Variants in PIP4K2A observed in about 807,000 individuals in gnomAD.
PIP4K2A encodes phosphatidylinositol 5-phosphate 4-kinase type-2 alpha.
PIP4K2A carries 14 observed loss-of-function variants against 42.9 expected under a neutral mutation model. The ratio of observed to expected loss-of-function variants is 0.33; its 90% CI spans 0.22 to 0.51. PIP4K2A has a LOEUF of 0.51. PIP4K2A is among the 20% of genes least tolerant of loss of function. The pLI, the probability that PIP4K2A is intolerant of heterozygous loss-of-function variation, is 0.97. For missense variants in PIP4K2A, 434 were observed against 519.8 expected, an observed-to-expected ratio of 0.83 and a Z score of 1.61; for synonymous variants, 192 against 192.2, an observed-to-expected ratio of 1.00 and a Z score of 0.01.
At chr10:22,580,670 T>A (rs1837252608) in intron 4 of PIP4K2A, among the ~76,000 whole-genome samples, 1 of 152,342 alleles carries the variant, frequency 6.6e-6, no homozygotes, top group East Asian at 1.9e-4. Flanking sequence ...TGAGGAACCT[T>A]TGCCTCCTCT....
intron 1 of PIP4K2A, among the ~76,000 whole-genome samples, chr10:22,678,479 A>G (rs1839603616): frequency 6.6e-6 from 1 of 152,146 alleles, no homozygotes; most frequent in African/African-American, 2.4e-5. Flanking sequence ...TTCTATGGGG[A>G]AAAGTCTGTT....
At chr10:22,673,082 G>A (rs766925729) in intron 1 of PIP4K2A, among the ~76,000 whole-genome samples, 131 of 152,244 alleles carry the variant, frequency 8.6e-4, no homozygotes, top group Admixed American at 2.0e-3. Flanking sequence ...TATCTGCCTT[G>A]CTATTTGATA....
intron 4 of PIP4K2A, among the ~76,000 whole-genome samples, chr10:22,585,139 T>C (rs1380434540): frequency 6.6e-6 from 1 of 152,186 alleles, no homozygotes; most frequent in Admixed American, 6.5e-5. Flanking sequence ...GTATTTAGCT[T>C]TTATGGTCCC....
At chr10:22,677,968 A>G (rs1564464743) in intron 1 of PIP4K2A, among the ~76,000 whole-genome samples, 2 of 152,182 alleles carry the variant, frequency 1.3e-5, no homozygotes, top group African/African-American at 2.4e-5. Context: ...TAAAAATACG[A>G]AAACACTCAT....
chr10:22,543,733 C>T (rs7898308), intron 7 of PIP4K2A, among the ~76,000 whole-genome samples: 78,537 of 152,056 alleles, frequency 0.52, 21,318 homozygotes, highest in South Asian at 0.74. Flanking sequence ...TTTGTGGGGG[C>T]GGCTGCGGGG....
At chr10:22,644,032 T>C (rs1308361859) in intron 1 of PIP4K2A, among the ~76,000 whole-genome samples, 1 of 152,138 alleles carries the variant, frequency 6.6e-6, no homozygotes, top group Non-Finnish European at 1.5e-5. Flanking sequence ...AAACTCCTGC[T>C]AATCACCATC....
At chr10:22,550,509 T>G in intron 7 of PIP4K2A, 150 bp downstream of exon 7, 57 of 654,400 alleles carry the variant, frequency 8.7e-5, no homozygotes, top group Middle Eastern at 8.1e-4. Context: ...TCATGTAACA[T>G]GAGACACCTT....
At position 22,536,725 on chromosome 10, in the gene PIP4K2A, A is replaced by AAAAAAAAAAAAAAAAAAAACAAAAC. The variant is rs1554791611; in HGVS notation, c.*475_*476insGTTTTGTTTTTTTTTTTTTTTTTTT. The stretch of plus-strand genomic sequence containing the variant: ...ACATCTTTCAACTCCAAAAAAAAAA[A>AAAAAAAAAAAAAAAAAAAACAAAAC]AAAAAAAAAAAAACTGATCCACAGT... On this transcript the variant is annotated 3_prime_UTR_variant, in exon 10 of 10. Transcript: ENST00000376573. 2.4e-5 allele frequency: 3 copies of AAAAAAAAAAAAAAAAAAAACAAAAC among 124,206 alleles called. No individual in the cohort carries two copies. The highest frequency in any genetic ancestry group is 3.0e-4 in the East Asian group (1 of 3,372). The allele number at this position is 124,206 out of a possible 1,614,324, so 7.7% of individuals were successfully genotyped here.
chr10:22,574,385 A>C (rs1215802087), intron 4 of PIP4K2A, among the ~76,000 whole-genome samples: 1 of 151,472 alleles, frequency 6.6e-6, no homozygotes, highest in Non-Finnish European at 1.5e-5. Context: ...GATGCTAATG[A>C]TGCAATTGGA....
intron 1 of PIP4K2A, among the ~76,000 whole-genome samples, chr10:22,636,095 A>G (rs79718088): frequency 3.7e-3 from 568 of 152,274 alleles, no homozygotes; most frequent in Non-Finnish European, 6.2e-3. Context: ...AGAGAGAAAA[A>G]AATTGTGAAA....
rs1402527370 is a variant in PIP4K2A at position 22,604,425 on chromosome 10, T to C, written c.339+3502A>G. Among the ~76,000 whole-genome samples the C allele has an allele frequency of 2.0e-5, 3 of 151,906 alleles. No individual in the cohort carries two copies. In the East Asian group the frequency reaches 5.8e-4, roughly 29 times the overall value. On this transcript the variant is annotated intron_variant, in intron 3 of 9. Transcript: ENST00000376573. The stretch of plus-strand genomic sequence containing the variant: ...GGGACCATTTACCCACTTGGCTGAA[T>C]GGAAAGGTCTGAATACGAGATAAAC...
intron 1 of PIP4K2A, among the ~76,000 whole-genome samples, chr10:22,705,047 A>G (rs1268441863): frequency 6.6e-6 from 1 of 151,900 alleles, no homozygotes; most frequent in Non-Finnish European, 1.5e-5. Flanking sequence ...GACGGCTTCT[A>G]TTTGTTCAAT....
chr10:22,587,373 C>T (rs749005499), intron 4 of PIP4K2A, among the ~76,000 whole-genome samples: 11 of 152,080 alleles, frequency 7.2e-5, no homozygotes, highest in South Asian at 2.1e-4. Flanking sequence ...TGTCTAGATT[C>T]GGAAGGTTCA....
At chr10:22,684,856 T>C (rs1312818846) in intron 1 of PIP4K2A, among the ~76,000 whole-genome samples, 2 of 152,214 alleles carry the variant, frequency 1.3e-5, no homozygotes, top group African/African-American at 2.4e-5. Context: ...TGGGTCCTTA[T>C]AGCACTGCTT....
intron 9 of PIP4K2A, among the ~76,000 whole-genome samples, chr10:22,539,220 C>A (rs368942703): frequency 1.3e-5 from 2 of 152,210 alleles, no homozygotes; most frequent in South Asian, 2.1e-4. Context: ...GGAGGAATCT[C>A]ATCTCTGCCA....
At chr10:22,592,347 G>C (rs1837530353) in intron 3 of PIP4K2A, among the ~76,000 whole-genome samples, 1 of 152,176 alleles carries the variant, frequency 6.6e-6, no homozygotes, top group Admixed American at 6.5e-5. Flanking sequence ...ACTCCAGTGT[G>C]GCTGGCTCAG....
At chr10:22,627,588 TAATAAAAAAAAAAAAAAAAA>T (rs1416570560) in intron 1 of PIP4K2A, among the ~76,000 whole-genome samples, 9 of 38,956 alleles carry the variant, frequency 2.3e-4, no homozygotes, top group African/African-American at 3.6e-4. Flanking sequence ...AGCTAATATG[TAATAAAAAAAAAAAAAAAAA>T]AAAAAAAAAA....
intron 1 of PIP4K2A, among the ~76,000 whole-genome samples, chr10:22,674,415 CAAAAAAAAAAAAAAA>C (rs1002492534): frequency 1.6e-5 from 1 of 61,132 alleles, no homozygotes; most frequent in Non-Finnish European, 3.5e-5. Context: ...CACTTGGGAG[CAAAAAAAAAAAAAAA>C]AAAAAAAAGA....
chr10:22,685,809 T>C (rs1839753603), intron 1 of PIP4K2A, among the ~76,000 whole-genome samples: 1 of 152,286 alleles, frequency 6.6e-6, no homozygotes, highest in Admixed American at 6.5e-5. Context: ...ACTCGTCTGG[T>C]GCCATGCCCC....
Sources: gnomAD v4.1 joint callset for allele counts (sites outside exome capture counted in the v4.1 genomes callset) on GRCh38, gnomAD v4.1.1 for gene constraint, MANE v1.5 for transcripts, NCBI Gene and HGNC (gene_info 2026-07-23, HGNC 2026-07-21) for gene names.